The following WARS2 variants were observed in gnomAD, a reference collection of about 807,000 sequenced individuals.
WARS2 encodes the protein tryptophan--tRNA ligase, mitochondrial.
Under a neutral mutation model 36.5 loss-of-function variants are expected in WARS2, and 28 were observed. The observed-to-expected ratio is 0.77, with a 90% CI of 0.57 to 1.05. The LOEUF is 1.05. Among genes scored for constraint, WARS2 ranks in the 50% least tolerant of loss-of-function variants. WARS2 has a pLI of 0.00. For synonymous variants in WARS2, 174 were observed against 178.4 expected (o/e 0.98, Z 0.20); for missense variants, 435 against 456.8 (o/e 0.95, Z 0.44).
chr1:119,038,818 C>T (rs1236765047), intron 4 of WARS2, among the ~76,000 whole-genome samples: 1 of 152,060 alleles, frequency 6.6e-6, no homozygotes, highest in African/African-American at 2.4e-5. Flanking sequence ...GTAGCTGGGA[C>T]TACAGGCACA....
At position 119,132,057 on chromosome 1, in the gene WARS2, T is replaced by G. The variant is rs587725355; in HGVS notation, c.90+8498A>C. 5.2e-4 allele frequency among the ~76,000 whole-genome samples: 79 copies of G among 152,274 alleles called. 1 individual carries two copies. Among genetic ancestry groups the G allele is most frequent in the Middle Eastern group, 3.4e-3 (1 of 294 alleles). On this transcript the variant is annotated intron_variant, in intron 1 of 5. Coordinates refer to ENST00000235521, the MANE Select transcript of WARS2 (RefSeq NM_015836.4). ...AGGTGCTGTGCAGTGGCCAAGGAAC[T>G]TTATATATGGTAGGATTTCAAATCT...
At chr1:119,034,012 C>T (rs879877074) in intron 5 of WARS2, 83 bp downstream of exon 5, 82 of 1,237,876 alleles carry the variant, frequency 6.6e-5, no homozygotes, top group Non-Finnish European at 8.6e-5. Context: ...GAGGTTAGTC[C>T]CAAGAAAGTT....
At chr1:119,067,658 C>A (rs1217944904) in intron 2 of WARS2, among the ~76,000 whole-genome samples, 2 of 152,172 alleles carry the variant, frequency 1.3e-5, no homozygotes, top group African/African-American at 4.8e-5. Context: ...AGAAAGTTAA[C>A]ATTTGCTAGA....
At chr1:119,053,465 A>T (rs753942691) in intron 2 of WARS2, among the ~76,000 whole-genome samples, 1 of 152,242 alleles carries the variant, frequency 6.6e-6, no homozygotes, top group Non-Finnish European at 1.5e-5. Context: ...AGCTACCATG[A>T]CAAAAAATAA....
intron 2 of WARS2, among the ~76,000 whole-genome samples, chr1:119,061,494 A>G (rs1238706649): frequency 3.3e-5 from 5 of 152,238 alleles, no homozygotes; most frequent in Admixed American, 3.3e-4. Flanking sequence ...ATAGATCAGT[A>G]GAAATTAACC....
rs1270425812 is a variant in WARS2, at chr1:119,138,231, G to A, written c.90+2324C>T. ...GCCTCTTTCACATATTTCTGCATCT[G>A]TTCACAAAATCCCTTTGACTTCAAA... On this transcript the variant is annotated intron_variant, in intron 1 of 5. Transcript: ENST00000235521. Among the ~76,000 whole-genome samples, 3 of 152,088 alleles carry A rather than the reference G, an allele frequency of 2.0e-5. No individual in the cohort carries two copies. In the East Asian group the frequency reaches 5.8e-4, roughly 29 times the overall value.
Position 119,037,720 on chromosome 1 carries a change from C to A in WARS2, c.516-3507G>T, listed in dbSNP as rs76503550. 7.8e-3 allele frequency among the ~76,000 whole-genome samples: 1,187 copies of A among 152,304 alleles called. 14 individuals are homozygous for A. Among genetic ancestry groups the A allele is most frequent in the African/African-American group, 0.027 (1,129 of 41,554 alleles). On this transcript the variant is annotated intron_variant, in intron 4 of 5. Transcript: ENST00000235521. ...ATTCTTCTGGCCAGTCCTCCTTCAG[C>A]ATCCCCTATCTCAGTGAATGGCAAT...
At position 119,073,265 on chromosome 1, in the gene WARS2, T is replaced by A. The variant is rs990678398; in HGVS notation, c.348+3085A>T. On this transcript the variant is annotated intron_variant, in intron 2 of 5. Coordinates refer to ENST00000235521, the MANE Select transcript of WARS2 (RefSeq NM_015836.4). Reference sequence around the variant, plus strand: ...CTCTCTCTATTGTTATAAATTTTTTTAAATATTTTTAAATAAAATTACATT... The same window carrying A: ...CTCTCTCTATTGTTATAAATTTTTTAAAATATTTTTAAATAAAATTACATT... Among the ~76,000 whole-genome samples, 16 of 152,216 alleles carry A rather than the reference T, an allele frequency of 1.1e-4. No individual in the cohort carries two copies. The East Asian group carries it at 1.2e-3, about 11-fold the overall frequency.
intron 1 of WARS2, among the ~76,000 whole-genome samples, chr1:119,103,920 T>A (rs1024640097): frequency 1.3e-5 from 2 of 150,714 alleles, no homozygotes; most frequent in Admixed American, 6.6e-5. Context: ...AAAGGAAAAA[T>A]ATATATTTTT....
intron 1 of WARS2, among the ~76,000 whole-genome samples, chr1:119,121,716 T>G (rs952382075): frequency 1.3e-5 from 2 of 152,188 alleles, no homozygotes; most frequent in African/African-American, 4.8e-5. Flanking sequence ...TGGAAAGGAA[T>G]AGAGAACCCA....
At chr1:119,061,822 A>G (rs1650403697) in intron 2 of WARS2, among the ~76,000 whole-genome samples, 1 of 152,170 alleles carries the variant, frequency 6.6e-6, no homozygotes, top group Non-Finnish European at 1.5e-5. Flanking sequence ...CTCTGGATCA[A>G]CAACCTAGGT....
At chr1:119,111,303 C>T (rs746537247) in intron 1 of WARS2, among the ~76,000 whole-genome samples, 5 of 152,208 alleles carry the variant, frequency 3.3e-5, no homozygotes, top group African/African-American at 4.8e-5. Flanking sequence ...ATTCTACAGT[C>T]TTATGATTAG....
chr1:119,125,365 TTTTG>T (rs1227179919), intron 1 of WARS2, among the ~76,000 whole-genome samples: 2 of 152,224 alleles, frequency 1.3e-5, no homozygotes, highest in Non-Finnish European at 2.9e-5. Flanking sequence ...TCCTGCTTTG[TTTTG>T]TTTTATTCTC....
chr1:119,044,082 T>A (rs1648593904), intron 3 of WARS2, among the ~76,000 whole-genome samples: 1 of 152,206 alleles, frequency 6.6e-6, no homozygotes, highest in Admixed American at 6.5e-5. Flanking sequence ...TTACTTCTTA[T>A]TGACTGCTAT....
chr1:119,071,105 C>A (rs1454838569), intron 2 of WARS2, among the ~76,000 whole-genome samples: 1 of 152,090 alleles, frequency 6.6e-6, no homozygotes. Flanking sequence ...ATTGTTTGAA[C>A]CCGGGAGGCA....
At chr1:119,045,796 G>A in intron 2 of WARS2, 134 bp from the exon 3 acceptor site, 1 of 685,600 alleles carries the variant, frequency 1.5e-6, no homozygotes, top group South Asian at 1.9e-5. Flanking sequence ...AGGTGAAGGG[G>A]GCTTAGTTCT....
At chr1:119,058,575 T>G (rs536000947) in intron 2 of WARS2, among the ~76,000 whole-genome samples, 17 of 128,562 alleles carry the variant, frequency 1.3e-4, no homozygotes, top group Non-Finnish European at 2.7e-4. Flanking sequence ...TTTTTGTTCT[T>G]GCGATAGTTT....
intron 2 of WARS2, among the ~76,000 whole-genome samples, chr1:119,051,362 C>G (rs1649334474): frequency 6.6e-6 from 1 of 152,128 alleles, no homozygotes; most frequent in Non-Finnish European, 1.5e-5. Flanking sequence ...AGAAAATGAT[C>G]TTATTTTTTA....
intron 1 of WARS2, among the ~76,000 whole-genome samples, chr1:119,106,516 C>A (rs748752976): frequency 3.3e-5 from 5 of 152,144 alleles, no homozygotes; most frequent in Admixed American, 6.6e-5. Flanking sequence ...TTTTTACTGT[C>A]CCCATAATTT....
Sources: allele counts gnomAD v4.1 joint callset (sites outside exome capture counted in the v4.1 genomes callset), GRCh38; gene constraint gnomAD v4.1.1; transcripts MANE v1.5; gene names NCBI Gene and HGNC (gene_info 2026-07-23, HGNC 2026-07-21).